PXDNL: variants seen among roughly 807,000 people sequenced by gnomAD.
PXDNL encodes the protein probable oxidoreductase PXDNL.
A neutral mutation model predicts 150.8 loss-of-function variants in PXDNL; 145 were observed. That is an observed-to-expected ratio of 0.96 (90% CI 0.84 to 1.10). PXDNL has a LOEUF of 1.10. Ranked by LOEUF, PXDNL falls within the 50% of genes least tolerant of loss-of-function variation. The pLI, the probability that PXDNL is intolerant of heterozygous loss-of-function variation, is 0.00. For synonymous variants in PXDNL, 757 were observed against 725.7 expected, an observed-to-expected ratio of 1.04 and a Z score of -0.69; for missense variants, 2,087 against 1,873.9, an observed-to-expected ratio of 1.11 and a Z score of -2.10.
At chr8:51,570,186 C>T (rs1368249863) in intron 3 of PXDNL, among the ~76,000 whole-genome samples, 4 of 151,858 alleles carry the variant, frequency 2.6e-5, no homozygotes, top group Non-Finnish European at 5.9e-5. Context: ...CCATCATTTT[C>T]CCTGGATGGG....
intron 17 of PXDNL, among the ~76,000 whole-genome samples, chr8:51,401,819 C>G (rs1348574336): frequency 6.6e-6 from 1 of 152,160 alleles, no homozygotes; most frequent in East Asian, 1.9e-4. Context: ...AATGGTCTTA[C>G]ATGAAATGGT....
At chr8:51,474,766 T>C (rs1226087569) in intron 7 of PXDNL, among the ~76,000 whole-genome samples, 1 of 152,222 alleles carries the variant, frequency 6.6e-6, no homozygotes, top group East Asian at 1.9e-4. Flanking sequence ...AAAGACTCTC[T>C]CAGCTCTTAA....
At chr8:51,407,088 C>T (rs1808456540) in intron 17 of PXDNL, among the ~76,000 whole-genome samples, 1 of 152,174 alleles carries the variant, frequency 6.6e-6, no homozygotes, top group Admixed American at 6.5e-5. Flanking sequence ...TTTTCACAGG[C>T]TCTCGGTACT....
chr8:51,621,435 AGT>A (rs1028083317), intron 2 of PXDNL, among the ~76,000 whole-genome samples: 3 of 136,812 alleles, frequency 2.2e-5, no homozygotes, highest in African/African-American at 6.1e-5. Context: ...CAAAAGAATG[AGT>A]GTGTGTGTGT....
chr8:51,670,896 T>C (rs1019743417), intron 1 of PXDNL, among the ~76,000 whole-genome samples: 2 of 152,236 alleles, frequency 1.3e-5, no homozygotes, highest in African/African-American at 4.8e-5. Flanking sequence ...TAGTCTGTAT[T>C]AGCTTAATAA....
At chr8:51,527,735 G>A (rs1295590904) in intron 4 of PXDNL, among the ~76,000 whole-genome samples, 3 of 152,208 alleles carry the variant, frequency 2.0e-5, no homozygotes, top group East Asian at 1.9e-4. Context: ...GCAGGAGTGT[G>A]AAGGAAGGCT....
Position 51,592,577 on chromosome 8 carries a change from A to G in PXDNL, c.308+50T>C, listed in dbSNP as rs1813467741. ...AAGTAAACACACACAAAAAAGGCAAAAATAGTCAAACAACACCATAAGGCA... is the reference window on the plus strand; with the variant it reads ...AAGTAAACACACACAAAAAAGGCAAGAATAGTCAAACAACACCATAAGGCA... On this transcript the variant is annotated intron_variant, in intron 3 of 22. Transcript: ENST00000356297. 2.4e-6 allele frequency: 3 copies of G among 1,269,416 alleles called. No individual in the cohort carries two copies. In the African/African-American group the frequency reaches 4.6e-5, roughly 19 times the overall value. 78.6% of individuals were successfully genotyped at this position (1,269,416 alleles called of 1,614,324 possible).
At chr8:51,749,554 A>G (rs4421347) in intron 1 of PXDNL, among the ~76,000 whole-genome samples, 122,639 of 151,820 alleles carry the variant, frequency 0.81, 49,612 homozygotes, top group East Asian at 0.88. Flanking sequence ...TGCATAGGGC[A>G]CTCACTTTGA....
Position 51,474,997 on chromosome 8 carries a change from T to C in PXDNL, c.669A>G (p.Ser223=), listed in dbSNP as rs960763685. Residue 223 remains serine, a synonymous_variant, in exon 7 of 23, where the codon TCA becomes TCG. Coordinates refer to ENST00000356297, the MANE Select transcript of PXDNL (RefSeq NM_144651.5). ...PRRLHGRAVA[S]VTVEEFNCQS... The stretch of plus-strand genomic sequence containing the variant: ...GGCAATTGAATTCCTCTACTGTTAC[T>C]GAAGCAACTGCACGCCCATGGAGTC... 3 of 1,604,848 alleles carry C rather than the reference T, an allele frequency of 1.9e-6. No individual in the cohort carries two copies. Among genetic ancestry groups the C allele is most frequent in the African/African-American group, 2.7e-5 (2 of 74,776 alleles).
In PXDNL at chr8:51,744,200, AAAG is replaced by A. The variant is rs577985485; in HGVS notation, c.164+64978_164+64980del. 1.0e-3 allele frequency among the ~76,000 whole-genome samples: 151 copies of A among 150,306 alleles called. 1 individual carries two copies. The highest frequency in any genetic ancestry group is 1.4e-3 in the Non-Finnish European group (97 of 67,408). On this transcript the variant is annotated intron_variant, in intron 1 of 22. Coordinates refer to ENST00000356297, the MANE Select transcript of PXDNL (RefSeq NM_144651.5). Reference sequence around the variant, plus strand: ...GGAAGGTGAGAAAGAGAGAAAGAAAAAAGAAAAGAAAGGAAGGAAGGGAAGAAG... The same window carrying A: ...GGAAGGTGAGAAAGAGAGAAAGAAAAAAAAGAAAGGAAGGAAGGGAAGAAG...
intron 17 of PXDNL, among the ~76,000 whole-genome samples, chr8:51,394,017 A>G (rs985692346): frequency 2.0e-5 from 3 of 152,234 alleles, no homozygotes; most frequent in Non-Finnish European, 2.9e-5. Flanking sequence ...AATCATATAG[A>G]TTCAGATTAA....
intron 19 of PXDNL, among the ~76,000 whole-genome samples, chr8:51,357,115 T>C (rs1251786359): frequency 6.6e-6 from 1 of 152,334 alleles, no homozygotes; most frequent in Admixed American, 6.5e-5. Context: ...CCCCTCCTCA[T>C]GGACAACAAG....
At chr8:51,791,636 A>T (rs1358517119) in intron 1 of PXDNL, among the ~76,000 whole-genome samples, 1 of 152,248 alleles carries the variant, frequency 6.6e-6, no homozygotes, top group Non-Finnish European at 1.5e-5. Context: ...TGCATAACTT[A>T]TCAACCCTGC....
At chr8:51,790,977 A>G (rs2037507496) in intron 1 of PXDNL, among the ~76,000 whole-genome samples, 1 of 152,024 alleles carries the variant, frequency 6.6e-6, no homozygotes, top group African/African-American at 2.4e-5. Context: ...TCTGGGTTTT[A>G]ATGGATACAA....
chr8:51,659,875 AT>A (rs1563498678), intron 1 of PXDNL, among the ~76,000 whole-genome samples: 4 of 150,520 alleles, frequency 2.7e-5, no homozygotes, highest in African/African-American at 9.8e-5. Flanking sequence ...TTATTTATTT[AT>A]TTATTTATTT....
chr8:51,460,543 T>C (rs1810052353), intron 8 of PXDNL, among the ~76,000 whole-genome samples: 1 of 146,118 alleles, frequency 6.8e-6, no homozygotes, highest in Non-Finnish European at 1.5e-5. Flanking sequence ...CACTGAGAGT[T>C]GCTAGAGGGG....
At chr8:51,386,915 T>G (rs1472580168) in intron 17 of PXDNL, among the ~76,000 whole-genome samples, 1 of 152,230 alleles carries the variant, frequency 6.6e-6, no homozygotes, top group Non-Finnish European at 1.5e-5. Flanking sequence ...TGTATACACT[T>G]GATTTATAAA....
chr8:51,742,621 GAA>G (rs1179771255), intron 1 of PXDNL, among the ~76,000 whole-genome samples: 1 of 150,996 alleles, frequency 6.6e-6, no homozygotes, highest in Non-Finnish European at 1.5e-5. Flanking sequence ...AACAAATGAA[GAA>G]AATGTTTATA....
chr8:51,751,710 C>G (rs946738327), intron 1 of PXDNL, among the ~76,000 whole-genome samples: 1 of 152,200 alleles, frequency 6.6e-6, no homozygotes, highest in African/African-American at 2.4e-5. Flanking sequence ...GGGTGGGAAA[C>G]AGATGTGTGC....
Sources: gnomAD v4.1 joint callset for allele counts (sites outside exome capture counted in the v4.1 genomes callset) on GRCh38, gnomAD v4.1.1 for gene constraint, MANE v1.5 for transcripts, NCBI Gene and HGNC (gene_info 2026-07-23, HGNC 2026-07-21) for gene names.